ADAMTS3: variants seen among roughly 807,000 people sequenced by gnomAD.
ADAMTS3 encodes ADAM metallopeptidase with thrombospondin type 1 motif 3.
Under a neutral mutation model 129.0 loss-of-function variants are expected in ADAMTS3, and 73 were observed. That is an observed-to-expected ratio of 0.57 (90% CI 0.47 to 0.69). The LOEUF (loss-of-function observed/expected upper bound fraction) is 0.69, where lower values mean the gene tolerates loss of function less well. Ranked by LOEUF, ADAMTS3 falls within the 30% of genes least tolerant of loss-of-function variation. ADAMTS3 has a pLI of 0.00. For missense variants in ADAMTS3, 1,457 were observed against 1,514.5 expected, an observed-to-expected ratio of 0.96 and a Z score of 0.63; for synonymous variants, 477 against 510.8, an observed-to-expected ratio of 0.93 and a Z score of 0.89.
intron 4 of ADAMTS3, among the ~76,000 whole-genome samples, chr4:72,393,383 A>T (rs1721648786): frequency 6.6e-6 from 1 of 152,208 alleles, no homozygotes; most frequent in African/African-American, 2.4e-5. Flanking sequence ...TACTTCTCTC[A>T]GACTAACACA....
At chr4:72,361,095 AG>A (rs1326285594) in intron 4 of ADAMTS3, among the ~76,000 whole-genome samples, 5 of 152,100 alleles carry the variant, frequency 3.3e-5, no homozygotes, top group Non-Finnish European at 5.9e-5. Context: ...TTATGTTTCC[AG>A]GTAAGCTGTC....
At chr4:72,380,276 A>G (rs1363303581) in intron 4 of ADAMTS3, among the ~76,000 whole-genome samples, 1 of 152,118 alleles carries the variant, frequency 6.6e-6, no homozygotes, top group African/African-American at 2.4e-5. Context: ...ACCAAGTAGA[A>G]GCCACTGAAG....
At chr4:72,477,677 G>C (rs1392683775) in intron 3 of ADAMTS3, among the ~76,000 whole-genome samples, 3 of 151,922 alleles carry the variant, frequency 2.0e-5, no homozygotes, top group Non-Finnish European at 4.4e-5. Flanking sequence ...CAGAAGGCAA[G>C]AAATAACTAA....
chr4:72,349,974 C>T (rs1720385668), intron 4 of ADAMTS3, among the ~76,000 whole-genome samples: 1 of 151,926 alleles, frequency 6.6e-6, no homozygotes, highest in South Asian at 2.1e-4. Context: ...CATATTTAAG[C>T]CACAGTAATT....
chr4:72,444,309 T>A (rs1005116764), intron 3 of ADAMTS3, among the ~76,000 whole-genome samples: 1 of 151,674 alleles, frequency 6.6e-6, no homozygotes, highest in Non-Finnish European at 1.5e-5. Context: ...ATGATAAAAA[T>A]TTATTCCTCT....
chr4:72,364,543 G>A (rs899143524), intron 4 of ADAMTS3, among the ~76,000 whole-genome samples: 1 of 151,736 alleles, frequency 6.6e-6, no homozygotes, highest in Admixed American at 6.6e-5. Flanking sequence ...TGAACCGGGA[G>A]ATGGAGGTTG....
chr4:72,416,580 T>C (rs1424532943), intron 3 of ADAMTS3, among the ~76,000 whole-genome samples: 1 of 152,148 alleles, frequency 6.6e-6, no homozygotes, highest in East Asian at 1.9e-4. Context: ...ACTCCAATAA[T>C]TGGAGTTTCT....
intron 3 of ADAMTS3, among the ~76,000 whole-genome samples, chr4:72,461,937 C>T (rs879270340): frequency 9.2e-5 from 14 of 151,956 alleles, no homozygotes; most frequent in South Asian, 2.1e-4. Context: ...CATCCTTTAT[C>T]GCTCCTTTCA....
chr4:72,397,171 C>T (rs1252964065), intron 4 of ADAMTS3, among the ~76,000 whole-genome samples: 1 of 152,108 alleles, frequency 6.6e-6, no homozygotes, highest in East Asian at 1.9e-4. Flanking sequence ...TTCTAAAATA[C>T]ATATTATAGT....
intron 4 of ADAMTS3, among the ~76,000 whole-genome samples, chr4:72,381,549 C>A (rs1721289253): frequency 6.6e-6 from 1 of 152,156 alleles, no homozygotes; most frequent in African/African-American, 2.4e-5. Flanking sequence ...ATTTCAACTT[C>A]TCTCTCAACT....
chr4:72,446,793 G>C (rs746618314), intron 3 of ADAMTS3, among the ~76,000 whole-genome samples: 1 of 151,602 alleles, frequency 6.6e-6, no homozygotes, highest in Non-Finnish European at 1.5e-5. Flanking sequence ...ATACTCTTTG[G>C]ATAGAAGGTT....
intron 3 of ADAMTS3, among the ~76,000 whole-genome samples, chr4:72,470,159 G>C (rs887975833): frequency 6.6e-6 from 1 of 151,854 alleles, no homozygotes; most frequent in Non-Finnish European, 1.5e-5. Flanking sequence ...TTTTAGTCTA[G>C]GTTGATACTG....
At chr4:72,294,164 T>C (rs1480776125) in intron 19 of ADAMTS3, among the ~76,000 whole-genome samples, 1 of 152,096 alleles carries the variant, frequency 6.6e-6, no homozygotes, top group South Asian at 2.1e-4. Flanking sequence ...GAAGTTATGC[T>C]AAGTGAAATG....
intron 3 of ADAMTS3, among the ~76,000 whole-genome samples, chr4:72,530,707 A>G (rs1363176384): frequency 4.3e-5 from 4 of 93,910 alleles, no homozygotes; most frequent in East Asian, 5.5e-4. Flanking sequence ...CATATATTAT[A>G]TATTATATAT....
intron 3 of ADAMTS3, among the ~76,000 whole-genome samples, chr4:72,415,751 A>T (rs909960564): frequency 2.6e-5 from 4 of 152,090 alleles, no homozygotes; most frequent in African/African-American, 9.7e-5. Context: ...CCAGTACTAT[A>T]GCTGAAGAAA....
At chr4:72,350,220 A>C (rs1160609725) in intron 4 of ADAMTS3, among the ~76,000 whole-genome samples, 2 of 152,076 alleles carry the variant, frequency 1.3e-5, no homozygotes, top group African/African-American at 4.8e-5. Context: ...AGAAGAGAGA[A>C]ACACTGTTAC....
At position 72,303,994 on chromosome 4, in the gene ADAMTS3, C is replaced by T. The variant is rs1719020638; in HGVS notation, c.2347G>A (p.Glu783Lys). The T allele has an allele frequency of 6.2e-7, 1 of 1,613,604 alleles. No homozygotes were observed. The highest frequency in any genetic ancestry group is 1.3e-5 in the African/African-American group (1 of 74,880). ...KSRTFIDLGV[E>K]WDYNIEDDIE... is the part of the protein sequence containing the mutation. ...TCATCTTCAATGTTATAATCCCACT[C>T]CACACCAAGATCTATGAAGGTCCGC... is the stretch of plus-strand genomic sequence containing the variant. Residue 783 changes from glutamate (E) to lysine (K), a missense_variant, in exon 17 of 22, where the codon GAG becomes AAG. By Grantham distance (56) the Glu-to-Lys change is moderately conservative. Coordinates refer to ENST00000286657, the MANE Select transcript of ADAMTS3 (RefSeq NM_014243.3).
chr4:72,465,548 C>T (rs1268894077), intron 3 of ADAMTS3, among the ~76,000 whole-genome samples: 3 of 152,008 alleles, frequency 2.0e-5, no homozygotes, highest in African/African-American at 7.2e-5. Flanking sequence ...CTCATTCATT[C>T]AAACATTTGT....
At chr4:72,328,666 C>T (rs115154793) in intron 5 of ADAMTS3, among the ~76,000 whole-genome samples, 1 of 149,768 alleles carries the variant, frequency 6.7e-6, no homozygotes, top group Non-Finnish European at 1.5e-5. Context: ...CATATAGGTA[C>T]AGTACTTGAT....
Sources: gnomAD v4.1 joint callset for allele counts (sites outside exome capture counted in the v4.1 genomes callset) on GRCh38, gnomAD v4.1.1 for gene constraint, MANE v1.5 for transcripts, NCBI Gene and HGNC (gene_info 2026-07-23, HGNC 2026-07-21) for gene names.